Variants in N4BP2 observed in about 807,000 individuals in gnomAD.
N4BP2 encodes NEDD4-binding protein 2.
Under a neutral mutation model 152.8 loss-of-function variants are expected in N4BP2, and 91 were observed. That is an observed-to-expected ratio of 0.60 (90% CI 0.50 to 0.71). N4BP2 has a LOEUF of 0.71. Ranked by LOEUF, N4BP2 falls within the 30% of genes least tolerant of loss-of-function variation. The pLI is 0.00. For missense variants in N4BP2, 1,923 were observed against 2,059.1 expected (o/e 0.93, Z 1.28); for synonymous variants, 646 against 705.3 (o/e 0.92, Z 1.33).
intron 14 of N4BP2, chr4:40,142,142 G>A (rs569728359): frequency 1.2e-4 from 19 of 157,264 alleles, no homozygotes; most frequent in Non-Finnish European, 2.3e-4. Flanking sequence ...GGGGGAGGGG[G>A]AGGGAGAGGG....
chr4:40,068,881 G>A (rs1407309104), intron 1 of N4BP2, among the ~76,000 whole-genome samples: 1 of 152,178 alleles, frequency 6.6e-6, no homozygotes, highest in Non-Finnish European at 1.5e-5. Context: ...CACTTTGGGA[G>A]ACCGAGGCAG....
chr4:40,076,230 C>T (rs561492945), intron 2 of N4BP2, among the ~76,000 whole-genome samples: 260 of 152,256 alleles, frequency 1.7e-3, no homozygotes, highest in Non-Finnish European at 2.7e-3. Flanking sequence ...AATCCCAGTA[C>T]TTAGAGACAC....
chr4:40,189,002 C>T, the N4BP2 span, among the ~76,000 whole-genome samples: 5 of 151,162 alleles, frequency 3.3e-5, no homozygotes, highest in Non-Finnish European at 4.4e-5. The surrounding 1 kb of genome is among the most constrained non-coding windows in gnomAD (Gnocchi z 4.3). Context: ...AAAAATTAGC[C>T]GGGCATGGTG....
rs1238687715 is a variant in N4BP2 at position 40,097,508 on chromosome 4, G to A, written c.168G>A (p.Glu56=). 1 of 1,613,894 alleles carries A rather than the reference G, an allele frequency of 6.2e-7. No homozygotes were observed. The highest frequency in any genetic ancestry group is 1.1e-5 in the South Asian group (1 of 91,062). ...DQEELFTSIS[E]IFSDLDPDVV... The stretch of plus-strand genomic sequence containing the variant: ...AAGAACTCTTCACCAGTATCTCAGA[G>A]ATATTTTCTGATCTGGATCCTGATG... Residue 56 remains glutamate (E), a synonymous_variant, in exon 3 of 18, where the codon GAG becomes GAA. Coordinates refer to ENST00000261435, the MANE Select transcript of N4BP2 (RefSeq NM_018177.6).
rs1470318141 is a variant in N4BP2, at chr4:40,120,515, A to G, written c.2404A>G (p.Lys802Glu). The stretch of plus-strand genomic sequence containing the variant: ...TGATAAGACTATTGGTCAGAGGACA[A>G]AAAGGAACAGAAAAACTGAAAAAAC... Reference protein sequence around the residue: ...PVDKTIGQRTKRNRKTEKTSS... With the variant: ...PVDKTIGQRTERNRKTEKTSS... The change falls in exon 9 of 18, where the codon AAA becomes GAA. Residue 802 changes from lysine to glutamate, a missense_variant. Transcript: ENST00000261435. 2.5e-6 allele frequency: 4 copies of G among 1,613,552 alleles called. 1 individual carries two copies. The South Asian group carries it at 4.4e-5, about 18-fold the overall frequency.
At chr4:40,069,626 G>A (rs973694158) in intron 1 of N4BP2, among the ~76,000 whole-genome samples, 2 of 152,074 alleles carry the variant, frequency 1.3e-5, no homozygotes, top group Non-Finnish European at 1.5e-5. Context: ...AAAGGATTTT[G>A]GCCAGGCACA....
At chr4:40,163,570 G>A in the N4BP2 span, among the ~76,000 whole-genome samples, 3 of 152,236 alleles carry the variant, frequency 2.0e-5, no homozygotes, top group Non-Finnish European at 2.9e-5. Flanking sequence ...AGGAAGAAAT[G>A]CATTCTTGTT....
chr4:40,152,659 G>T, intron 16 of N4BP2, 121 bp from the exon 17 acceptor site: 1 of 1,034,594 alleles, frequency 9.7e-7, no homozygotes, highest in Non-Finnish European at 1.4e-6. Context: ...ACAGTTTTGA[G>T]ATGGCAAACC....
intron 2 of N4BP2, among the ~76,000 whole-genome samples, chr4:40,092,034 A>C (rs1346533386): frequency 1.6e-5 from 2 of 123,332 alleles, no homozygotes; most frequent in Non-Finnish European, 3.4e-5. Flanking sequence ...ATATATATAT[A>C]TATATATATA....
At chr4:40,151,187 C>T (rs557670247) in intron 16 of N4BP2, among the ~76,000 whole-genome samples, 3 of 152,274 alleles carry the variant, frequency 2.0e-5, no homozygotes, top group South Asian at 4.1e-4. Context: ...AGGTGATAAT[C>T]GTATAAATGA....
At position 40,122,209 on chromosome 4, in the gene N4BP2, G is replaced by A. The variant is rs761461376; in HGVS notation, c.4098G>A (p.Ala1366=). Residue 1366 remains alanine (A), a synonymous_variant, in exon 9 of 18, where the codon GCG becomes GCA. Transcript: ENST00000261435. Reference sequence around the variant, plus strand: ...CCGAGATATTGAATCCCACTCCAGCGATGGCCAAATCTCTGACCATAGACT... The same window carrying A: ...CCGAGATATTGAATCCCACTCCAGCAATGGCCAAATCTCTGACCATAGACT... ...DKTEILNPTP[A]MAKSLTIDCL... is the part of the protein sequence containing the mutation. The A allele has an allele frequency of 1.9e-6, 3 of 1,613,804 alleles. No individual in the cohort carries two copies. Among genetic ancestry groups the A allele is most frequent in the Admixed American group, 1.7e-5 (1 of 59,998 alleles).
intron 2 of N4BP2, among the ~76,000 whole-genome samples, chr4:40,095,902 T>A (rs961212189): frequency 6.6e-6 from 1 of 152,166 alleles, no homozygotes; most frequent in Non-Finnish European, 1.5e-5. Context: ...CCTTTTTACA[T>A]CGTATAAAGC....
chr4:40,122,307 C>T lies in N4BP2; in HGVS notation c.4196C>T (p.Ser1399Leu). The T allele has an allele frequency of 6.4e-7, 1 of 1,550,534 alleles. No homozygotes were observed. ...TTATTTGGTCCTGTTGGTATTGATT[C>T]AGGTAAGGAAAAAGTAAATGACCAT... The part of the protein sequence containing the change: ...NELFGPVGID[S>L]GSLTVEDCVV... Residue 1399 changes from serine to leucine, a missense_variant and splice_region_variant, in exon 9 of 18, where the codon TCA becomes TTA. Transcript: ENST00000261435.
At chr4:40,104,118 A>G (rs1365651640) in intron 4 of N4BP2, among the ~76,000 whole-genome samples, 2 of 151,894 alleles carry the variant, frequency 1.3e-5, no homozygotes, top group East Asian at 3.9e-4. Context: ...ACGCCCAGCT[A>G]CTTTTTTGTA....
intron 7 of N4BP2, among the ~76,000 whole-genome samples, 167 bp downstream of exon 7, chr4:40,113,675 A>G (rs1411183497): frequency 6.6e-6 from 1 of 152,220 alleles, no homozygotes; most frequent in Admixed American, 6.5e-5. Context: ...TTGTGTTTCT[A>G]AAATTGAGTT....
At chr4:40,092,516 T>G (rs1231374280) in intron 2 of N4BP2, among the ~76,000 whole-genome samples, 2 of 152,122 alleles carry the variant, frequency 1.3e-5, no homozygotes, top group Admixed American at 6.6e-5. Context: ...ATTTCTGTCT[T>G]CTTTTTTCTT....
intron 16 of N4BP2, among the ~76,000 whole-genome samples, chr4:40,152,007 A>G (rs746682333): frequency 2.0e-5 from 3 of 152,160 alleles, no homozygotes; most frequent in Non-Finnish European, 2.9e-5. Context: ...TTATTCTGCT[A>G]CAGCTTTTAT....
At chr4:40,064,873 G>A (rs1451879766) in intron 1 of N4BP2, among the ~76,000 whole-genome samples, 4 of 151,958 alleles carry the variant, frequency 2.6e-5, no homozygotes, top group Non-Finnish European at 5.9e-5. Context: ...AGGTTCAAGC[G>A]ATTCTCCTGC....
At chr4:40,122,986 C>CT in intron 9 of N4BP2, 141 bp from the exon 10 acceptor site, 1 of 551,544 alleles carries the variant, frequency 1.8e-6, no homozygotes, top group Non-Finnish European at 3.3e-6. Context: ...TAGAAATACT[C>CT]TAAGATTTAG....
Sources: gnomAD v4.1 joint callset for allele counts (sites outside exome capture counted in the v4.1 genomes callset) on GRCh38, gnomAD v4.1.1 for gene constraint, Gnocchi (gnomAD v3.1) non-coding constraint, MANE v1.5 for transcripts, NCBI Gene and HGNC (gene_info 2026-07-23, HGNC 2026-07-21) for gene names.